TMEM132D: variants seen among roughly 807,000 people sequenced by gnomAD.
The protein encoded by TMEM132D is mature OL transmembrane protein.
TMEM132D carries 21 observed loss-of-function variants against 62.3 expected under a neutral mutation model. The observed-to-expected ratio is 0.34, with a 90% CI of 0.24 to 0.49. The LOEUF (loss-of-function observed/expected upper bound fraction) is 0.49. Ranked by LOEUF, TMEM132D falls within the 20% of genes least tolerant of loss-of-function variation. TMEM132D has a pLI of 0.99. For synonymous variants in TMEM132D, 621 were observed against 575.6 expected (o/e 1.08, Z -1.13); for missense variants, 1,346 against 1,402.8 (o/e 0.96, Z 0.65).
At chr12:129,488,879 C>T (rs1874672169) in intron 3 of TMEM132D, among the ~76,000 whole-genome samples, 1 of 152,038 alleles carries the variant, frequency 6.6e-6, no homozygotes, top group Non-Finnish European at 1.5e-5. Context: ...GCACCTTCCG[C>T]CTCATTTGGC....
At chr12:129,658,564 G>A (rs1002873760) in intron 2 of TMEM132D, among the ~76,000 whole-genome samples, 9 of 152,258 alleles carry the variant, frequency 5.9e-5, no homozygotes, top group East Asian at 5.8e-4. Context: ...AACACGTAGC[G>A]TCTGCCCTGA....
intron 3 of TMEM132D, among the ~76,000 whole-genome samples, chr12:129,525,824 G>A (rs1292391803): frequency 6.6e-6 from 1 of 152,116 alleles, no homozygotes; most frequent in Non-Finnish European, 1.5e-5. Context: ...ATCATCATTC[G>A]GATGGTAATA....
intron 1 of TMEM132D, among the ~76,000 whole-genome samples, chr12:129,836,220 C>A (rs1280510126): frequency 6.6e-6 from 1 of 152,144 alleles, no homozygotes; most frequent in African/African-American, 2.4e-5. Flanking sequence ...TTAGATCTTA[C>A]AATCCTTTAA....
chr12:129,645,749 CACTAAA>C lies in TMEM132D; in HGVS notation c.968+54055_968+54060del, dbSNP rs1879762196. ...TGCAATAGAGAAGCCAGGCCAAATG[CACTAAA>C]ACCAAGATGGTGACGGAGTGACCTC... On this transcript the variant is annotated intron_variant, in intron 2 of 8. Coordinates refer to ENST00000422113, the MANE Select transcript of TMEM132D (RefSeq NM_133448.3). Among the ~76,000 whole-genome samples, 3 of 152,276 alleles carry C rather than the reference CACTAAA, an allele frequency of 2.0e-5. No homozygotes were observed. The South Asian group carries it at 6.2e-4, about 32-fold the overall frequency.
At chr12:129,524,747 C>A (rs1339844180) in intron 3 of TMEM132D, among the ~76,000 whole-genome samples, 3 of 151,402 alleles carry the variant, frequency 2.0e-5, no homozygotes, top group African/African-American at 7.3e-5. Context: ...TTTTACAAAT[C>A]CCCAGAAGGG....
Position 129,270,536 on chromosome 12 carries a change from C to T in TMEM132D, c.1300-60873G>A, listed in dbSNP as rs566194090. ...ACGTACACAAATGCCGTTTGAATCACGTCTAGACAAATCTCCATCAATTAG... is the reference window on the plus strand; with the variant it reads ...ACGTACACAAATGCCGTTTGAATCATGTCTAGACAAATCTCCATCAATTAG... On this transcript the variant is annotated intron_variant, in intron 4 of 8. Coordinates refer to ENST00000422113, the MANE Select transcript of TMEM132D (RefSeq NM_133448.3). Among the ~76,000 whole-genome samples the T allele has an allele frequency of 3.3e-5, 5 of 152,282 alleles. No individual in the cohort carries two copies. In the South Asian group the frequency reaches 1.0e-3, roughly 32 times the overall value.
At chr12:129,196,717 C>A (rs1380321313) in intron 5 of TMEM132D, among the ~76,000 whole-genome samples, 2 of 152,106 alleles carry the variant, frequency 1.3e-5, no homozygotes, top group Non-Finnish European at 2.9e-5. Context: ...GTTCCCATTT[C>A]TCCAGGAGGT....
intron 3 of TMEM132D, among the ~76,000 whole-genome samples, chr12:129,348,595 C>A (rs886092079): frequency 3.9e-5 from 6 of 152,006 alleles, no homozygotes; most frequent in Non-Finnish European, 8.8e-5. Flanking sequence ...AGGACAAATA[C>A]CTAATACATG....
chr12:129,454,511 T>C (rs1873397725), intron 3 of TMEM132D, among the ~76,000 whole-genome samples: 1 of 152,184 alleles, frequency 6.6e-6, no homozygotes, highest in South Asian at 2.1e-4. Context: ...AAAGGAGCTG[T>C]CAGATGGTTA....
intron 4 of TMEM132D, among the ~76,000 whole-genome samples, chr12:129,233,161 T>C (rs1879688542): frequency 6.6e-6 from 1 of 152,250 alleles, no homozygotes; most frequent in Admixed American, 6.5e-5. Flanking sequence ...TATTTATGAT[T>C]AACTTACTTT....
chr12:129,151,476 TG>T (rs1448863709), intron 5 of TMEM132D, among the ~76,000 whole-genome samples: 1 of 152,210 alleles, frequency 6.6e-6, no homozygotes, highest in African/African-American at 2.4e-5. Flanking sequence ...ACACCCGTCT[TG>T]TCTCCCTGAC....
intron 5 of TMEM132D, among the ~76,000 whole-genome samples, chr12:129,206,316 GAA>G (rs1185061427): frequency 6.6e-6 from 1 of 152,166 alleles, no homozygotes; most frequent in Non-Finnish European, 1.5e-5. Context: ...TTTTTCAAAA[GAA>G]GACATATATA....
chr12:129,399,635 G>A (rs1353193833), intron 3 of TMEM132D, among the ~76,000 whole-genome samples: 11 of 123,534 alleles, frequency 8.9e-5, no homozygotes, highest in Middle Eastern at 4.1e-3. Context: ...GAATGAGGAC[G>A]TCTCAAAAAA....
intron 1 of TMEM132D, among the ~76,000 whole-genome samples, chr12:129,748,644 C>A (rs1017098517): frequency 2.6e-5 from 4 of 152,026 alleles, no homozygotes; most frequent in Non-Finnish European, 5.9e-5. Flanking sequence ...GGGTGGATCC[C>A]GATGGAGGAA....
intron 1 of TMEM132D, among the ~76,000 whole-genome samples, chr12:129,805,319 G>A (rs1871944196): frequency 6.6e-6 from 1 of 152,032 alleles, no homozygotes. Context: ...AACCAAAACA[G>A]CATGGTACTG....
intron 1 of TMEM132D, among the ~76,000 whole-genome samples, chr12:129,858,902 G>A (rs1405398173): frequency 3.2e-5 from 4 of 125,120 alleles, no homozygotes; most frequent in Admixed American, 7.7e-5. Context: ...AACAGAGTCC[G>A]GGGGATGGGA....
intron 2 of TMEM132D, among the ~76,000 whole-genome samples, chr12:129,598,785 G>T (rs993766289): frequency 1.3e-5 from 2 of 152,112 alleles, no homozygotes; most frequent in African/African-American, 2.4e-5. Flanking sequence ...TGCTTTTCAA[G>T]AATTCATTCC....
At chr12:129,767,642 T>A (rs1870594776) in intron 1 of TMEM132D, among the ~76,000 whole-genome samples, 1 of 152,174 alleles carries the variant, frequency 6.6e-6, no homozygotes, top group Admixed American at 6.5e-5. Context: ...ATGCCCTCCA[T>A]GATCATCCAT....
intron 3 of TMEM132D, among the ~76,000 whole-genome samples, chr12:129,339,580 C>T (rs1434135269): frequency 6.6e-6 from 1 of 152,088 alleles, no homozygotes; most frequent in African/African-American, 2.4e-5. Context: ...TTCTCCCATA[C>T]CTTTCTTTAC....
Sources: allele counts gnomAD v4.1 joint callset (sites outside exome capture counted in the v4.1 genomes callset), GRCh38; gene constraint gnomAD v4.1.1; transcripts MANE v1.5; gene names NCBI Gene and HGNC (gene_info 2026-07-23, HGNC 2026-07-21).